UST: variants seen among roughly 807,000 people sequenced by gnomAD.
The protein encoded by UST is chondroitin sulfate 2-O-sulfotransferase.
A neutral mutation model predicts 45.6 loss-of-function variants in UST; 21 were observed. The ratio of observed to expected loss-of-function variants is 0.46; its 90% CI spans 0.33 to 0.66. The LOEUF (loss-of-function observed/expected upper bound fraction) is 0.66. Among genes scored for constraint, UST ranks in the 30% least tolerant of loss-of-function variants. UST has a pLI of 0.02. For synonymous variants in UST, 215 were observed against 200.6 expected (o/e 1.07, Z -0.61); for missense variants, 463 against 512.4 (o/e 0.90, Z 0.93).
At chr6:148,979,704 T>C (rs1352289994) in intron 5 of UST, among the ~76,000 whole-genome samples, 1 of 152,202 alleles carries the variant, frequency 6.6e-6, no homozygotes, top group Admixed American at 6.5e-5. Context: ...AACTTCAAAG[T>C]GATGACACTG....
chr6:148,985,696 A>T (rs1325326088), intron 5 of UST, among the ~76,000 whole-genome samples: 1 of 152,212 alleles, frequency 6.6e-6, no homozygotes, highest in Non-Finnish European at 1.5e-5. Context: ...CTGGTGAGGC[A>T]TGCAGAGGTA....
chr6:149,022,076 T>G (rs150482002), intron 7 of UST, among the ~76,000 whole-genome samples: 1 of 152,352 alleles, frequency 6.6e-6, no homozygotes, highest in Non-Finnish European at 1.5e-5. Flanking sequence ...GCAAAGCAAT[T>G]ACAAGGGCTG....
In UST at chr6:148,994,953, CTGTAA is replaced by C; in HGVS notation, c.682-24185_682-24181del. ...CCTCTGCAGAATGCTATCTTGTAGT[CTGTAA>C]AGCATTTTCACATATTTTTTCTTTA... On this transcript the variant is annotated intron_variant, in intron 5 of 7. Transcript: ENST00000367463. Among the ~76,000 whole-genome samples, 2 of 152,162 alleles carry C rather than the reference CTGTAA, an allele frequency of 1.3e-5. 1 individual carries two copies. Among genetic ancestry groups the C allele is most frequent in the Admixed American group, 1.3e-4 (2 of 15,282 alleles).
chr6:149,047,360 A>G (rs868636878), intron 7 of UST, among the ~76,000 whole-genome samples: 4 of 152,242 alleles, frequency 2.6e-5, no homozygotes, highest in African/African-American at 9.6e-5. Flanking sequence ...TGCTGCAATT[A>G]TAGTCTTTAT....
chr6:149,046,373 T>C (rs533435912), intron 7 of UST, among the ~76,000 whole-genome samples: 115 of 152,328 alleles, frequency 7.5e-4, no homozygotes, highest in African/African-American at 2.7e-3. Flanking sequence ...GGCTGATCTT[T>C]GGGTTCCTGT....
intron 2 of UST, among the ~76,000 whole-genome samples, chr6:148,893,464 A>G (rs889051911): frequency 2.6e-5 from 4 of 152,218 alleles, no homozygotes; most frequent in African/African-American, 9.6e-5. Flanking sequence ...AGAATTGAAG[A>G]TGATCTCTGT....
At chr6:149,004,389 C>T (rs1397992733) in intron 5 of UST, among the ~76,000 whole-genome samples, 2 of 152,128 alleles carry the variant, frequency 1.3e-5, no homozygotes, top group Non-Finnish European at 2.9e-5. Context: ...CCTGGACCTG[C>T]TTATATAGAG....
chr6:149,006,467 G>C (rs552943063), intron 5 of UST, among the ~76,000 whole-genome samples: 1 of 152,258 alleles, frequency 6.6e-6, no homozygotes, highest in East Asian at 1.9e-4. Context: ...TGGTATATAT[G>C]TACCATATTT....
chr6:148,791,608 T>A (rs9322153), intron 1 of UST, among the ~76,000 whole-genome samples: 4 of 152,192 alleles, frequency 2.6e-5, no homozygotes, highest in Admixed American at 1.3e-4. Context: ...CTAAGCACTG[T>A]GAGAAGCACA....
chr6:148,822,616 A>G (rs1447892239), intron 1 of UST, among the ~76,000 whole-genome samples: 1 of 152,220 alleles, frequency 6.6e-6, no homozygotes, highest in Non-Finnish European at 1.5e-5. Flanking sequence ...TTTGACTTCT[A>G]CAGCCTCAGT....
chr6:148,947,924 A>G (rs1005110724), intron 3 of UST, among the ~76,000 whole-genome samples: 2 of 115,650 alleles, frequency 1.7e-5, no homozygotes, highest in African/African-American at 3.8e-5. Flanking sequence ...ACTTGGTGGA[A>G]AAAAAAAAAA....
Position 148,942,267 on chromosome 6 carries a change from C to G in UST, c.447+833C>G, listed in dbSNP as rs971582162. Reference sequence around the variant, plus strand: ...AGAAACAAGGAACATGGCTCACTATCAGGTTGAGATCATCATTATAAAAAT... The same window carrying G: ...AGAAACAAGGAACATGGCTCACTATGAGGTTGAGATCATCATTATAAAAAT... On this transcript the variant is annotated intron_variant, in intron 3 of 7. Coordinates refer to ENST00000367463, the MANE Select transcript of UST (RefSeq NM_005715.3). Among the ~76,000 whole-genome samples, 4 of 152,022 alleles carry G rather than the reference C, an allele frequency of 2.6e-5. No homozygotes were observed. The East Asian group carries it at 7.7e-4, about 29-fold the overall frequency.
At chr6:148,816,555 G>A (rs1166944746) in intron 1 of UST, among the ~76,000 whole-genome samples, 3 of 152,266 alleles carry the variant, frequency 2.0e-5, no homozygotes, top group Non-Finnish European at 4.4e-5. Flanking sequence ...TAAATAGCTG[G>A]TTCCTATTAA....
intron 2 of UST, among the ~76,000 whole-genome samples, chr6:148,894,781 C>T (rs7757994): frequency 0.012 from 1,720 of 145,640 alleles, 39 homozygotes; most frequent in African/African-American, 0.042. Flanking sequence ...ACATTGAAAC[C>T]ATTTTTAGAA....
chr6:148,926,571 A>G (rs1779818328), intron 2 of UST, among the ~76,000 whole-genome samples: 1 of 152,182 alleles, frequency 6.6e-6, no homozygotes, highest in Non-Finnish European at 1.5e-5. Context: ...TGGTCACAGG[A>G]TTGCTTCTGC....
intron 1 of UST, among the ~76,000 whole-genome samples, chr6:148,817,243 C>T (rs1302051052): frequency 6.6e-6 from 1 of 152,240 alleles, no homozygotes; most frequent in African/African-American, 2.4e-5. Context: ...GGTCAGCAAA[C>T]CTTTGGCTGT....
intron 1 of UST, among the ~76,000 whole-genome samples, chr6:148,794,132 C>T (rs937771411): frequency 3.9e-5 from 6 of 152,214 alleles, no homozygotes; most frequent in African/African-American, 1.4e-4. Context: ...CTCCAAGATA[C>T]TTTCAACTTT....
At chr6:148,795,608 C>A (rs1049208160) in intron 1 of UST, among the ~76,000 whole-genome samples, 1 of 152,086 alleles carries the variant, frequency 6.6e-6, no homozygotes, top group Admixed American at 6.5e-5. Context: ...TTTAAAAAAA[C>A]CCAACTATAC....
rs534565730 is a variant in UST at position 148,958,806 on chromosome 6, C to G, written c.527+4855C>G. 4.7e-4 allele frequency among the ~76,000 whole-genome samples: 71 copies of G among 152,306 alleles called. No individual in the cohort carries two copies. In the South Asian group the frequency reaches 0.011, roughly 23 times the overall value. Reference sequence around the variant, plus strand: ...GCAATCTACAATGCCCCTCACCCTTCCAAATGTGCTTTTGCAGGGAAACCC... The same window carrying G: ...GCAATCTACAATGCCCCTCACCCTTGCAAATGTGCTTTTGCAGGGAAACCC... On this transcript the variant is annotated intron_variant, in intron 4 of 7. Coordinates refer to ENST00000367463, the MANE Select transcript of UST (RefSeq NM_005715.3).
Sources: gnomAD v4.1 joint callset for allele counts (sites outside exome capture counted in the v4.1 genomes callset) on GRCh38, gnomAD v4.1.1 for gene constraint, MANE v1.5 for transcripts, NCBI Gene and HGNC (gene_info 2026-07-23, HGNC 2026-07-21) for gene names.